The following FKBP1C variants were observed in gnomAD, a reference collection of about 807,000 sequenced individuals.
FKBP1C encodes FKBP prolyl isomerase family member 1C.
In FKBP1C, 7 loss-of-function variants were observed where a neutral mutation model predicts 7.1. That is an observed-to-expected ratio of 0.99 (90% CI 0.56 to 1.86). The LOEUF (loss-of-function observed/expected upper bound fraction) is 1.86. FKBP1C is among the 40% of genes most tolerant of loss of function. The pLI, the probability that FKBP1C is intolerant of heterozygous loss-of-function variation, is 0.00. For synonymous variants in FKBP1C, 56 were observed against 51.2 expected, an observed-to-expected ratio of 1.09 and a Z score of -0.40; for missense variants, 159 against 139.9, an observed-to-expected ratio of 1.14 and a Z score of -0.69.
exon 1 of FKBP1C, chr6:63,212,053 G>A (rs1181895143): frequency 1.8e-5 from 14 of 768,516 alleles, no homozygotes; most frequent in Admixed American, 4.8e-5. Context: ...CTTTGCTTCC[G>A]ACACCTCTGT....
At chr6:63,211,612 G>T (rs774967522) in exon 1 of FKBP1C, 3 of 1,595,338 alleles carry the variant, frequency 1.9e-6, no homozygotes, top group East Asian at 2.2e-5. Context: ...TTCCCGAAGC[G>T]CAGCCAGACC....
chr6:63,212,273 T>A, exon 1 of FKBP1C: 1 of 270,048 alleles, frequency 3.7e-6, no homozygotes, highest in Non-Finnish European at 7.5e-6. Flanking sequence ...GTTGCAAGAA[T>A]ATTTTATTTT....
chr6:63,212,711 G>A (rs1766124709), exon 1 of FKBP1C: 1 of 165,962 alleles, frequency 6.0e-6, no homozygotes, highest in South Asian at 2.1e-4. Context: ...TTAATTGACA[G>A]TTTCAATTGA....
chr6:63,211,594 G>A, the FKBP1C span: 16 of 1,549,476 alleles, frequency 1.0e-5, no homozygotes, highest in African/African-American at 2.2e-4. Flanking sequence ...CCAGGAGACT[G>A]GCGCACCTTC....
exon 1 of FKBP1C, chr6:63,211,489 C>T (rs767660026): frequency 2.3e-5 from 15 of 650,318 alleles, no homozygotes; most frequent in African/African-American, 9.2e-5. Context: ...GCCGTGGAAC[C>T]GCCGCCAGGT....
exon 1 of FKBP1C, chr6:63,212,579 C>A (rs1334648645): frequency 6.9e-6 from 1 of 143,932 alleles, no homozygotes; most frequent in East Asian, 2.4e-4. Context: ...ACCTCTGAAG[C>A]CTTCTTTGTG....
At chr6:63,211,998 C>CT in exon 1 of FKBP1C, 4 of 1,228,484 alleles carry the variant, frequency 3.3e-6, no homozygotes, top group Non-Finnish European at 4.7e-6. Context: ...TTCCACTCCA[C>CT]TTTGTATAGA....
At chr6:63,211,691 GC>G in the FKBP1C span, 2 of 1,614,044 alleles carry the variant, frequency 1.2e-6, no homozygotes, top group Non-Finnish European at 1.7e-6. Context: ...ACAGAAACAA[GC>G]CCTTTAAGTT....
exon 1 of FKBP1C, chr6:63,212,246 G>A (rs1424020287): frequency 2.8e-6 from 1 of 361,864 alleles, no homozygotes; most frequent in Non-Finnish European, 5.3e-6. Context: ...GTTAGGATAG[G>A]AATTGGTGTT....
exon 1 of FKBP1C, chr6:63,211,540 CG>C (rs1561983798): frequency 9.1e-7 from 1 of 1,103,428 alleles, no homozygotes; most frequent in Non-Finnish European, 1.4e-6. Context: ...CCCGCCCGCT[CG>C]GCGTCGGCCG....
At chr6:63,212,190 A>C in exon 1 of FKBP1C, 1 of 539,862 alleles carries the variant, frequency 1.9e-6, no homozygotes, top group East Asian at 3.2e-5. Context: ...ATAGGTTTCC[A>C]ATTAAGTACA....
exon 1 of FKBP1C, chr6:63,212,074 C>G: frequency 1.5e-6 from 1 of 678,780 alleles, no homozygotes. Flanking sequence ...TTCCTCTTCC[C>G]CTTTCTCCTG....
chr6:63,211,940 G>T, exon 1 of FKBP1C: 4 of 1,572,802 alleles, frequency 2.5e-6, no homozygotes, highest in Non-Finnish European at 2.6e-6. Flanking sequence ...GAGGGATCTG[G>T]TGCCTCCAGA....
exon 1 of FKBP1C, chr6:63,211,877 G>A: frequency 6.2e-7 from 1 of 1,612,858 alleles, no homozygotes; most frequent in Non-Finnish European, 8.5e-7. Context: ...TTCTAAAACT[G>A]GAATGACAGG....
At chr6:63,212,893 C>T (rs1369121537) in exon 1 of FKBP1C, 4 of 166,946 alleles carry the variant, frequency 2.4e-5, no homozygotes, top group African/African-American at 9.7e-5. Flanking sequence ...CCCTCAGCCA[C>T]TTCTCACCCC....
chr6:63,211,771 G>A (rs746230453), exon 1 of FKBP1C: 8 of 1,613,872 alleles, frequency 5.0e-6, no homozygotes, highest in Non-Finnish European at 5.9e-6. Flanking sequence ...GTGGGTCAGA[G>A]AGCCAAACTG....
At chr6:63,211,598 C>T (rs768577612) in exon 1 of FKBP1C, 2 of 1,559,316 alleles carry the variant, frequency 1.3e-6, no homozygotes, top group Non-Finnish European at 1.8e-6. Context: ...GAGACTGGCG[C>T]ACCTTCCCGA....
chr6:63,212,137 C>G (rs772700900), exon 1 of FKBP1C: 4 of 599,988 alleles, frequency 6.7e-6, no homozygotes, highest in Admixed American at 3.1e-5. Context: ...ATTCATTTTA[C>G]TTTTTCATTT....
At chr6:63,211,502 C>T (rs1766102385) in exon 1 of FKBP1C, 5 of 695,766 alleles carry the variant, frequency 7.2e-6, no homozygotes, top group African/African-American at 3.6e-5. Context: ...CGCCAGGTCG[C>T]TGTCGGTCCA....
Sources: allele counts gnomAD v4.1 joint callset, GRCh38; gene constraint gnomAD v4.1.1; transcripts MANE v1.5; gene names NCBI Gene and HGNC (gene_info 2026-07-23, HGNC 2026-07-21).